Variants in WDR48 observed in about 807,000 individuals in gnomAD.
WDR48 encodes the protein WD repeat-containing protein 48.
In WDR48, 22 loss-of-function variants were observed where a neutral mutation model predicts 94.0. The observed-to-expected ratio is 0.23, with a 90% CI of 0.17 to 0.33. WDR48 has a LOEUF of 0.33. WDR48 is among the 10% of genes least tolerant of loss of function. The pLI, the probability that WDR48 is intolerant of heterozygous loss-of-function variation, is 1.00. For synonymous variants in WDR48, 278 were observed against 280.5 expected (o/e 0.99, Z 0.09); for missense variants, 541 against 813.8 (o/e 0.66, Z 4.08).
At chr3:39,068,944 G>A (rs955133043) in intron 6 of WDR48, 85 bp downstream of exon 6, 9 of 1,043,866 alleles carry the variant, frequency 8.6e-6, no homozygotes, top group East Asian at 7.7e-5. Flanking sequence ...GGTATTTTAC[G>A]ATTAGCTTCT....
intron 1 of WDR48, among the ~76,000 whole-genome samples, chr3:39,054,392 C>G (rs930203788): frequency 6.6e-6 from 1 of 152,180 alleles, no homozygotes; most frequent in African/African-American, 2.4e-5. Flanking sequence ...GTAGTAGCAT[C>G]TCCCCAGTTG....
At chr3:39,077,108 A>G (rs1251254036) in intron 8 of WDR48, 31 bp from the exon 9 acceptor site, 1 of 1,613,558 alleles carries the variant, frequency 6.2e-7, no homozygotes, top group Non-Finnish European at 8.5e-7. Context: ...TTGACATTCC[A>G]CAAAGCAATA....
At chr3:39,069,856 C>T (rs1328894409) in intron 7 of WDR48, 112 bp downstream of exon 7, 8 of 853,820 alleles carry the variant, frequency 9.4e-6, no homozygotes, top group South Asian at 5.3e-5. Context: ...TATAAATTGT[C>T]TAATTAAAAA....
intron 18 of WDR48, chr3:39,094,359 G>A (rs2035234065): frequency 6.9e-7 from 1 of 1,449,264 alleles, no homozygotes; most frequent in Non-Finnish European, 9.1e-7. Context: ...GAGTGAAGGT[G>A]TGCGGAGAAA....
intron 5 of WDR48, 150 bp downstream of exon 5, chr3:39,067,025 A>G (rs2033649628): frequency 4.5e-6 from 4 of 897,356 alleles, no homozygotes; most frequent in Non-Finnish European, 6.6e-6. Flanking sequence ...CCCCAAGAGT[A>G]TGATTGAACA....
chr3:39,093,858 C>A lies in WDR48; in HGVS notation c.1746-16C>A. On this transcript the variant is annotated splice_polypyrimidine_tract_variant and intron_variant, in intron 17 of 18. Coordinates refer to ENST00000302313, the MANE Select transcript of WDR48 (RefSeq NM_020839.4). ...TGATTTCCCTGATGTCACAATATGCCATTGCTTTTTTACAGAGATAGACTC... is the reference window on the plus strand; with the variant it reads ...TGATTTCCCTGATGTCACAATATGCAATTGCTTTTTTACAGAGATAGACTC... 1 of 1,519,982 alleles carries A rather than the reference C, an allele frequency of 6.6e-7. No individual in the cohort carries two copies. The allele number at this position is 1,519,982 out of a possible 1,614,324, so 94.2% of individuals were successfully genotyped here.
chr3:39,073,953 G>A (rs2034079053), intron 7 of WDR48, among the ~76,000 whole-genome samples: 1 of 152,200 alleles, frequency 6.6e-6, no homozygotes, highest in Non-Finnish European at 1.5e-5. Context: ...TGCAGTGTTT[G>A]TCAAAGATAG....
chr3:39,069,610 T>G (rs1439768103), intron 6 of WDR48, 33 bp from the exon 7 acceptor site: 31 of 1,531,900 alleles, frequency 2.0e-5, no homozygotes, highest in Non-Finnish European at 2.7e-5. Flanking sequence ...ACTGATATAT[T>G]TAGTTTGTGT....
In WDR48 at chr3:39,066,866, A is replaced by T; in HGVS notation, c.472A>T (p.Thr158Ser). 1 of 1,613,266 alleles carries T rather than the reference A, an allele frequency of 6.2e-7. No homozygotes were observed. Among genetic ancestry groups the T allele is most frequent in the Non-Finnish European group, 8.5e-7 (1 of 1,179,694 alleles). ...AACAGCATTGACTGCCTCAAATAAC[A>T]CTGTCACAAGTAAGGTGTTTAAAAG... ...TLTALTASNN[T>S]VTTSSLSGNK... The change falls in exon 5 of 19, where the codon ACT (threonine) becomes TCT (serine). Residue 158 changes from threonine to serine, a missense_variant. This residue lies in a region of WDR48 where 104 missense variants were observed against 189.7 expected (regional missense o/e 0.55). Transcript: ENST00000302313.
chr3:39,063,624 C>T (rs1051650111), intron 2 of WDR48, among the ~76,000 whole-genome samples: 1 of 152,126 alleles, frequency 6.6e-6, no homozygotes, highest in African/African-American at 2.4e-5. Context: ...AGGATCCTCA[C>T]AAACCCCACA....
intron 1 of WDR48, chr3:39,052,400 G>A (rs2032487225): frequency 3.5e-6 from 1 of 286,766 alleles, no homozygotes; most frequent in Non-Finnish European, 6.6e-6. Flanking sequence ...CCCTTGCCCT[G>A]TCTTTCTTCG....
intron 10 of WDR48, 124 bp downstream of exon 10, chr3:39,078,363 T>C (rs1354649926): frequency 1.4e-6 from 1 of 692,088 alleles, no homozygotes; most frequent in African/African-American, 1.9e-5. Context: ...GATAATACAT[T>C]GGTTTATTTT....
At chr3:39,061,073 A>G (rs2033227644) in intron 1 of WDR48, among the ~76,000 whole-genome samples, 1 of 152,216 alleles carries the variant, frequency 6.6e-6, no homozygotes, top group African/African-American at 2.4e-5. Context: ...ATTGTTCCTA[A>G]TAGAATCACT....
chr3:39,094,810 G>A lies in WDR48; in HGVS notation c.*67G>A. 1 of 1,578,082 alleles carries A rather than the reference G, an allele frequency of 6.3e-7. No homozygotes were observed. Among genetic ancestry groups the A allele is most frequent in the Non-Finnish European group, 8.6e-7 (1 of 1,162,150 alleles). On this transcript the variant is annotated 3_prime_UTR_variant, in exon 19 of 19. Transcript: ENST00000302313. ...TCTATGGCCCCAAGAGTAGTCCTAG[G>A]AAGCCCACTGATCCCCAACGGGAGC... is the stretch of plus-strand genomic sequence containing the variant.
chr3:39,094,528 G>A (rs1174806732), intron 18 of WDR48, 120 bp from the exon 19 acceptor site: 1 of 1,543,092 alleles, frequency 6.5e-7, no homozygotes, highest in Non-Finnish European at 8.7e-7. Context: ...GCAAGAATTG[G>A]ATACCAGGCA....
At chr3:39,064,056 G>A (rs1488438546) in intron 2 of WDR48, among the ~76,000 whole-genome samples, 8 of 152,152 alleles carry the variant, frequency 5.3e-5, no homozygotes, top group Non-Finnish European at 1.2e-4. Context: ...GTTTAAATAT[G>A]TGTAAAGATA....
At position 39,063,161 on chromosome 3, in the gene WDR48, A is replaced by G. The variant is rs958381674; in HGVS notation, c.160A>G (p.Ile54Val). The change falls in exon 2 of 19, where the codon ATA becomes GTA. Residue 54 changes from isoleucine to valine, a missense_variant. By Grantham distance (29) the Ile-to-Val change is conservative. This residue lies in a region of WDR48 where 90 missense variants were observed against 122.3 expected (regional missense o/e 0.74). Coordinates refer to ENST00000302313, the MANE Select transcript of WDR48 (RefSeq NM_020839.4). The part of the protein sequence containing the change: ...RLFTAGRDSI[I>V]RIWSVNQHKQ... The stretch of plus-strand genomic sequence containing the variant: ...TTTCACAGCCGGTCGAGACTCTATC[A>G]TAAGAATATGGAGTGTCAATCAGCA... The G allele has an allele frequency of 3.1e-6, 5 of 1,614,050 alleles. No individual in the cohort carries two copies. In the African/African-American group the frequency reaches 4.0e-5, roughly 13 times the overall value.
At chr3:39,066,038 A>G in intron 3 of WDR48, 149 bp downstream of exon 3, 1 of 601,716 alleles carries the variant, frequency 1.7e-6, no homozygotes, top group African/African-American at 1.9e-5. Flanking sequence ...CCAAATCAAG[A>G]AACAATATTA....
intron 1 of WDR48, among the ~76,000 whole-genome samples, chr3:39,061,491 G>A (rs184146477): frequency 8.5e-5 from 13 of 152,204 alleles, no homozygotes; most frequent in Non-Finnish European, 1.3e-4. Context: ...TCTTAATTCA[G>A]TCTATCATTG....
Sources: allele counts gnomAD v4.1 joint callset (sites outside exome capture counted in the v4.1 genomes callset), GRCh38; gene constraint gnomAD v4.1.1; regional missense constraint gnomAD v4.1.1; transcripts MANE v1.5; gene names NCBI Gene and HGNC (gene_info 2026-07-23, HGNC 2026-07-21).